The following MYT1L variants were observed in gnomAD, a reference collection of about 807,000 sequenced individuals.
MYT1L encodes myelin transcription factor 1-like protein.
In MYT1L, 12 loss-of-function variants were observed where a neutral mutation model predicts 126.7. The ratio of observed to expected loss-of-function variants is 0.09; its 90% CI spans 0.06 to 0.15. The LOEUF (loss-of-function observed/expected upper bound fraction) is 0.15, where lower values mean the gene tolerates loss of function less well. Ranked by LOEUF, MYT1L falls within the 10% of genes least tolerant of loss-of-function variation. The probability of loss-of-function intolerance (pLI) is 1.00; values close to 1 mark genes in which losing one functional copy is unlikely to be tolerated. For missense variants in MYT1L, 979 were observed against 1,585.2 expected, an observed-to-expected ratio of 0.62 and a Z score of 6.49; for synonymous variants, 541 against 604.2, an observed-to-expected ratio of 0.90 and a Z score of 1.53.
intron 18 of MYT1L, among the ~76,000 whole-genome samples, chr2:1,854,374 T>C (rs928830028): frequency 6.6e-6 from 1 of 152,154 alleles, no homozygotes; most frequent in Non-Finnish European, 1.5e-5. Flanking sequence ...ATGATACATA[T>C]GGAGGGCTCT....
At chr2:1,959,796 T>C (rs367903664) in intron 8 of MYT1L, among the ~76,000 whole-genome samples, 2 of 152,170 alleles carry the variant, frequency 1.3e-5, no homozygotes, top group Non-Finnish European at 2.9e-5. Context: ...CGGTCCTCTG[T>C]CCACAGTGCA....
intron 3 of MYT1L, among the ~76,000 whole-genome samples, chr2:2,153,744 C>G (rs1443252727): frequency 1.8e-4 from 27 of 152,106 alleles, no homozygotes; most frequent in Non-Finnish European, 2.9e-5. Flanking sequence ...GGAGGCCGGC[C>G]TGAATAGAGG....
chr2:1,831,874 G>C (rs2040239226), intron 21 of MYT1L, among the ~76,000 whole-genome samples: 1 of 152,108 alleles, frequency 6.6e-6, no homozygotes, highest in African/African-American at 2.4e-5. Flanking sequence ...GTCCCGGGGT[G>C]AACCTGCAGG....
intron 18 of MYT1L, among the ~76,000 whole-genome samples, chr2:1,864,133 C>G (rs2148648162): frequency 6.6e-6 from 1 of 152,320 alleles, no homozygotes; most frequent in South Asian, 2.1e-4. Flanking sequence ...TGCCTTCCCT[C>G]TGGGAAACAA....
intron 4 of MYT1L, among the ~76,000 whole-genome samples, chr2:2,047,241 G>A (rs988987113): frequency 1.3e-5 from 2 of 152,016 alleles, no homozygotes; most frequent in African/African-American, 2.4e-5. Flanking sequence ...GTCTTACATG[G>A]ACCTAAATAT....
chr2:1,837,296 C>T (rs907385665), intron 21 of MYT1L, among the ~76,000 whole-genome samples: 12 of 152,162 alleles, frequency 7.9e-5, no homozygotes, highest in African/African-American at 2.4e-4. Context: ...GAACCAGTGC[C>T]GTCCCTGGAG....
At chr2:2,058,784 G>A (rs2069964000) in intron 3 of MYT1L, among the ~76,000 whole-genome samples, 1 of 152,214 alleles carries the variant, frequency 6.6e-6, no homozygotes, top group Non-Finnish European at 1.5e-5. Flanking sequence ...CCCCTGTGGG[G>A]AGGACAGTTC....
At chr2:2,063,476 C>A (rs2070804463) in intron 3 of MYT1L, among the ~76,000 whole-genome samples, 1 of 152,114 alleles carries the variant, frequency 6.6e-6, no homozygotes, top group South Asian at 2.1e-4. Context: ...GGGCTCCTGA[C>A]TAGGGGTGCC....
At chr2:2,030,005 G>T (rs920786411) in intron 4 of MYT1L, among the ~76,000 whole-genome samples, 4 of 152,154 alleles carry the variant, frequency 2.6e-5, no homozygotes, top group African/African-American at 9.7e-5. Context: ...GTACAATTTA[G>T]TGTATTTTAA....
intron 2 of MYT1L, among the ~76,000 whole-genome samples, chr2:2,218,238 A>C (rs556283570): frequency 6.4e-4 from 97 of 152,362 alleles, no homozygotes; most frequent in African/African-American, 2.2e-3. Flanking sequence ...AAATGAGAGC[A>C]TATGTCCATA....
At chr2:2,061,476 C>T (rs866211578) in intron 3 of MYT1L, among the ~76,000 whole-genome samples, 4 of 151,328 alleles carry the variant, frequency 2.6e-5, no homozygotes, top group Admixed American at 6.6e-5. Flanking sequence ...CTTTGTTCAA[C>T]CCCCTTGCAA....
chr2:1,889,238 T>C lies in MYT1L; in HGVS notation c.2520+3A>G, dbSNP rs867984399. 1.9e-6 allele frequency: 3 copies of C among 1,612,320 alleles called. No individual in the cohort carries two copies. Among genetic ancestry groups the C allele is most frequent in the Non-Finnish European group, 1.7e-6 (2 of 1,178,572 alleles). On this transcript the variant is annotated splice_donor_region_variant and intron_variant, in intron 16 of 24. Coordinates refer to ENST00000647738, the MANE Select transcript of MYT1L (RefSeq NM_001303052.2). This position sits in a 1 kb window ranked among gnomAD's most constrained non-coding sequence, Gnocchi z 4.1. ...CAACACAGGCTCAATGAAAAGGACA[T>C]ACAGTAATGTCTTTGGACTCGTCCT...
intron 21 of MYT1L, chr2:1,816,118 A>G (rs918867971): frequency 5.1e-4 from 78 of 152,486 alleles, no homozygotes; most frequent in African/African-American, 1.8e-3. Context: ...GGTATGAACC[A>G]CCACATTCAG....
At chr2:1,881,037 T>C (rs908219203) in intron 18 of MYT1L, among the ~76,000 whole-genome samples, 7 of 152,244 alleles carry the variant, frequency 4.6e-5, no homozygotes, top group Non-Finnish European at 1.0e-4. Context: ...GTTTTGTTTT[T>C]GGCTGGCTTG....
chr2:2,074,757 CA>C (rs1345845268), intron 3 of MYT1L, among the ~76,000 whole-genome samples: 1 of 151,920 alleles, frequency 6.6e-6, no homozygotes, highest in Non-Finnish European at 1.5e-5. Flanking sequence ...TTTTGATGAA[CA>C]AAAAAATACT....
chr2:1,965,099 C>G (rs2149405288), intron 8 of MYT1L, among the ~76,000 whole-genome samples: 1 of 152,328 alleles, frequency 6.6e-6, no homozygotes, highest in Middle Eastern at 3.4e-3. Flanking sequence ...GGGGACTGTT[C>G]CCAAGACCCA....
At chr2:2,040,771 G>A (rs972407985) in intron 4 of MYT1L, among the ~76,000 whole-genome samples, 1 of 152,052 alleles carries the variant, frequency 6.6e-6, no homozygotes, top group Admixed American at 6.5e-5. Context: ...TTATTTAAAA[G>A]TTTGAAGTAA....
chr2:1,865,783 C>G (rs991659903), intron 18 of MYT1L, among the ~76,000 whole-genome samples: 1 of 152,014 alleles, frequency 6.6e-6, no homozygotes, highest in African/African-American at 2.4e-5. Context: ...ACACAAGGCG[C>G]GTGGTGGGTT....
At chr2:1,890,827 C>T (rs34383123) in intron 15 of MYT1L, among the ~76,000 whole-genome samples, 5,828 of 152,198 alleles carry the variant, frequency 0.038, 147 homozygotes, top group African/African-American at 0.052. Flanking sequence ...CCTCCATCCC[C>T]GGAGCTGTTA....
Sources: gnomAD v4.1 joint callset for allele counts (sites outside exome capture counted in the v4.1 genomes callset) on GRCh38, gnomAD v4.1.1 for gene constraint, Gnocchi (gnomAD v3.1) non-coding constraint, MANE v1.5 for transcripts, NCBI Gene and HGNC (gene_info 2026-07-23, HGNC 2026-07-21) for gene names.